Variants in LHCGR observed in about 807,000 individuals in gnomAD.
LHCGR encodes the protein luteinizing hormone/choriogonadotropin receptor.
LHCGR carries 55 observed loss-of-function variants against 60.7 expected under a neutral mutation model. The ratio of observed to expected loss-of-function variants is 0.91; its 90% CI spans 0.73 to 1.13. The LOEUF is 1.13. Among genes scored for constraint, LHCGR ranks in the 50% most tolerant of loss-of-function variants. The probability of loss-of-function intolerance (pLI) is 0.00; values close to 1 mark genes in which losing one functional copy is unlikely to be tolerated. For synonymous variants in LHCGR, 337 were observed against 316.5 expected (o/e 1.06, Z -0.69); for missense variants, 862 against 836.0 (o/e 1.03, Z -0.38).
chr2:48,691,799 T>C (rs1572812326), intron 10 of LHCGR, among the ~76,000 whole-genome samples: 1 of 145,582 alleles, frequency 6.9e-6, no homozygotes, highest in Non-Finnish European at 1.5e-5. Flanking sequence ...TGAGCTGAGA[T>C]CGTGCCACTG....
intron 6 of LHCGR, among the ~76,000 whole-genome samples, chr2:48,718,437 A>G (rs1011196650): frequency 1.3e-5 from 2 of 152,196 alleles, no homozygotes; most frequent in African/African-American, 4.8e-5. Flanking sequence ...AGTATTAGAC[A>G]TTCTTCTATA....
chr2:48,752,141 G>T (rs146513343), intron 1 of LHCGR, among the ~76,000 whole-genome samples: 533 of 152,230 alleles, frequency 3.5e-3, no homozygotes, highest in Non-Finnish European at 5.4e-3. Flanking sequence ...TCACATTTTA[G>T]ATTTTAAATA....
chr2:48,724,572 G>C (rs1297120367), intron 4 of LHCGR, among the ~76,000 whole-genome samples: 2 of 152,212 alleles, frequency 1.3e-5, no homozygotes, highest in Non-Finnish European at 2.9e-5. Context: ...TGTGGGATTA[G>C]ACTGCAACGT....
At chr2:48,723,751 C>A in intron 4 of LHCGR, 55 bp from the exon 5 acceptor site, 1 of 1,233,330 alleles carries the variant, frequency 8.1e-7, no homozygotes, top group South Asian at 1.2e-5. Context: ...AAGTGATTGT[C>A]ATTAAGACAT....
In LHCGR at chr2:48,688,804, A is replaced by G. The variant is rs1680042817; in HGVS notation, c.993T>C (p.Tyr331=). The change falls in exon 11 of 11, where the codon TAT becomes TAC. Residue 331 remains tyrosine (Y), a synonymous_variant. Coordinates refer to ENST00000294954, the MANE Select transcript of LHCGR (RefSeq NM_000233.4). This position sits in a 1 kb window ranked among gnomAD's most constrained non-coding sequence, Gnocchi z 5.2. ...LAESELSGWD[Y]EYGFCLPKTP... ...TCTTGGGTAAGCAGAAACCATATTC[A>G]TAGTCCCAGCCACTCAGTTCACTCT... 4 of 1,614,184 alleles carry G rather than the reference A, an allele frequency of 2.5e-6. No homozygotes were observed. The highest frequency in any genetic ancestry group is 3.4e-6 in the Non-Finnish European group (4 of 1,180,024).
intron 6 of LHCGR, among the ~76,000 whole-genome samples, chr2:48,715,427 A>C (rs1049151604): frequency 1.3e-5 from 2 of 152,232 alleles, no homozygotes; most frequent in African/African-American, 4.8e-5. Flanking sequence ...CCCACGTGAG[A>C]AAGGGCTGTG....
intron 10 of LHCGR, among the ~76,000 whole-genome samples, chr2:48,692,997 G>A (rs1666930986): frequency 2.0e-5 from 3 of 152,088 alleles, no homozygotes; most frequent in African/African-American, 7.2e-5. Context: ...GGACTGGTGA[G>A]GATTATATTG....
At position 48,686,801 on chromosome 2, in the gene LHCGR, T is replaced by A. The variant is rs957993247; in HGVS notation, c.*896A>T. On this transcript the variant is annotated 3_prime_UTR_variant, in exon 11 of 11. Coordinates refer to ENST00000294954, the MANE Select transcript of LHCGR (RefSeq NM_000233.4). ...ATTTTTAAATATTTAAACATTTTAT[T>A]TCATTCAAATAAAAATATAAGCTCT... 2 of 152,192 alleles carry A rather than the reference T, an allele frequency of 1.3e-5. No individual in the cohort carries two copies. The highest frequency in any genetic ancestry group is 4.8e-5 in the African/African-American group (2 of 41,448). The allele number at this position is 152,192 out of a possible 1,614,324, so 9.4% of individuals were successfully genotyped here.
chr2:48,741,131 A>T lies in LHCGR; in HGVS notation c.162-9833T>A, dbSNP rs1669432130. 2.6e-5 allele frequency among the ~76,000 whole-genome samples: 4 copies of T among 152,312 alleles called. No individual in the cohort carries two copies. The South Asian group carries it at 8.3e-4, about 32-fold the overall frequency. ...ATGAATGAAATGAAGTGAGAAGGGA[A>T]GTTTAGAGAAAAAAGAATAAAAAGA... On this transcript the variant is annotated intron_variant, in intron 1 of 10. Coordinates refer to ENST00000294954, the MANE Select transcript of LHCGR (RefSeq NM_000233.4).
At chr2:48,736,491 G>A (rs560913931) in intron 1 of LHCGR, among the ~76,000 whole-genome samples, 7 of 152,274 alleles carry the variant, frequency 4.6e-5, no homozygotes, top group African/African-American at 1.7e-4. Flanking sequence ...AGAAGATAAC[G>A]CCACCTTATC....
chr2:48,752,997 T>TGGGGGGGGGGGGGGGGGGGGGGGGG (rs1558909396), intron 1 of LHCGR, among the ~76,000 whole-genome samples: 1 of 18,436 alleles, frequency 5.4e-5, no homozygotes, highest in Non-Finnish European at 9.8e-5. Flanking sequence ...GGGGGGGGGG[T>TGGGGGGGGGGGGGGGGGGGGGGGGG]GGGGAAGGGA....
Position 48,729,166 on chromosome 2 carries a change from T to A in LHCGR, c.295A>T (p.Asn99Tyr). The change falls in exon 3 of 11, where the codon AAT becomes TAT. Residue 99 changes from asparagine to tyrosine, a missense_variant. Asn to Tyr is a moderately radical substitution (Grantham distance 143). Coordinates refer to ENST00000294954, the MANE Select transcript of LHCGR (RefSeq NM_000233.4). ...GCTGATGCTTACATTTCAGACAAAT[T>A]GAGGAGGTTGTCAAAGGCATTAGCT... ...IEANAFDNLL[N>Y]LSEILIQNTK... is the part of the protein sequence containing the mutation. 6.2e-7 allele frequency: 1 copy of A among 1,610,850 alleles called. No individual in the cohort carries two copies. The highest frequency in any genetic ancestry group is 8.5e-7 in the Non-Finnish European group (1 of 1,177,592).
intron 3 of LHCGR, among the ~76,000 whole-genome samples, chr2:48,727,624 G>A (rs1449265149): frequency 6.6e-6 from 1 of 152,198 alleles, no homozygotes; most frequent in East Asian, 1.9e-4. Flanking sequence ...CCAGGTCTGG[G>A]ATAGGACTGT....
intron 8 of LHCGR, among the ~76,000 whole-genome samples, chr2:48,707,071 GT>G (rs564501635): frequency 2.7e-4 from 41 of 152,296 alleles, no homozygotes; most frequent in South Asian, 8.3e-4. Flanking sequence ...TACAGATGGG[GT>G]TTTGGTATGG....
At position 48,698,846 on chromosome 2, in the gene LHCGR, CA is replaced by C. The variant is rs757379893; in HGVS notation, c.681-47del. On this transcript the variant is annotated intron_variant, in intron 8 of 10. Coordinates refer to ENST00000294954, the MANE Select transcript of LHCGR (RefSeq NM_000233.4). The stretch of plus-strand genomic sequence containing the variant: ...ATGCTTTTTATTTATTTATTTTATA[CA>C]TTTTTTTTTTTTGAGACGGAGTCTT... 8.9e-6 allele frequency: 12 copies of C among 1,342,506 alleles called. No individual in the cohort carries two copies. In the African/African-American group the frequency reaches 2.2e-4, roughly 24 times the overall value. 83.2% of individuals were successfully genotyped at this position (1,342,506 alleles called of 1,614,324 possible). A position where few individuals can be genotyped will look rare whatever the true frequency, so the allele number is the denominator to read the frequency against.
intron 9 of LHCGR, among the ~76,000 whole-genome samples, chr2:48,697,418 C>A (rs1667171431): frequency 1.3e-5 from 2 of 152,186 alleles, no homozygotes; most frequent in South Asian, 4.1e-4. Context: ...ATACAGCTGT[C>A]TGTGACTTAT....
chr2:48,752,986 G>GGGGGGGGGGGGGGGT (rs1670039044), intron 1 of LHCGR, among the ~76,000 whole-genome samples: 1 of 63,854 alleles, frequency 1.6e-5, no homozygotes, highest in African/African-American at 6.2e-5. Context: ...TTTGGCGGGG[G>GGGGGGGGGGGGGGGT]GGGGGGGGGG....
chr2:48,696,066 A>C (rs550597681), intron 9 of LHCGR, among the ~76,000 whole-genome samples: 44 of 152,140 alleles, frequency 2.9e-4, no homozygotes, highest in Middle Eastern at 3.4e-3. Flanking sequence ...AAAAAAAAAC[A>C]GTGGTTTCTT....
rs376613983 is a variant in LHCGR at position 48,755,536 on chromosome 2, C to T, written c.136G>A (p.Gly46Ser). 9.7e-6 allele frequency: 15 copies of T among 1,541,504 alleles called. No homozygotes were observed. Among genetic ancestry groups the T allele is most frequent in the Non-Finnish European group, 1.1e-5 (13 of 1,144,410 alleles). ...CVPDGALRCP[G>S]PTAGLTRLSL... ...AGTCGAGTGAGACCGGCCGTGGGGC[C>T]GGGGCAGCGCAGGGCGCCGTCGGGC... The change falls in exon 1 of 11, where the codon GGC becomes AGC. Residue 46 changes from glycine to serine, a missense_variant. Transcript: ENST00000294954.
Sources: gnomAD v4.1 joint callset for allele counts (sites outside exome capture counted in the v4.1 genomes callset) on GRCh38, gnomAD v4.1.1 for gene constraint, Gnocchi (gnomAD v3.1) non-coding constraint, MANE v1.5 for transcripts, NCBI Gene and HGNC (gene_info 2026-07-23, HGNC 2026-07-21) for gene names.